Variants in DHX16 observed in about 807,000 individuals in gnomAD.
The protein encoded by DHX16 is DEAH-box helicase 16.
Under a neutral mutation model 131.2 loss-of-function variants are expected in DHX16, and 81 were observed. That is an observed-to-expected ratio of 0.62 (90% confidence interval 0.52 to 0.74). The LOEUF is 0.74. DHX16 is among the 30% of genes least tolerant of loss of function. DHX16 has a pLI of 0.00. For missense variants in DHX16, 980 were observed against 1,363.1 expected, an observed-to-expected ratio of 0.72 and a Z score of 4.43; for synonymous variants, 440 against 520.2, an observed-to-expected ratio of 0.85 and a Z score of 2.10.
chr6:30,654,535 G>GT (rs1400490291), intron 19 of DHX16, among the ~76,000 whole-genome samples, 171 bp downstream of exon 19: 7 of 152,094 alleles, frequency 4.6e-5, no homozygotes, highest in Non-Finnish European at 1.0e-4. Context: ...GGACAACAGA[G>GT]TGAGACTCCG....
chr6:30,653,433 ATT>A, intron 19 of DHX16, 63 bp from the exon 20 acceptor site: 1 of 1,506,834 alleles, frequency 6.6e-7, no homozygotes, highest in African/African-American at 1.4e-5. Flanking sequence ...TGTTGTTGTT[ATT>A]TTTTTTTCTT....
rs1242226640 is a variant in DHX16, at chr6:30,655,583, T to C, written c.2513A>G (p.Glu838Gly). The change falls in exon 17 of 20, where the codon GAG (glutamate) becomes GGG (glycine). Residue 838 changes from glutamate to glycine, a missense_variant. Physicochemically the swap from Glu to Gly is moderately conservative, Grantham distance 98 (BLOSUM62 -2). Around this residue, in one of 3 missense-constraint regions of DHX16, gnomAD observed 214 missense variants for 271.2 expected, o/e 0.79. Transcript: ENST00000376442. ...ILASEKYSCS[E>G]EILTVAAMLS... ...CATGGCAGCCACTGTCAGGATCTCC[T>C]CTGAACAGCTGTACCTGGGACAGGA... 6.2e-7 allele frequency: 1 copy of C among 1,613,102 alleles called. No homozygotes were observed. The highest frequency in any genetic ancestry group is 8.5e-7 in the Non-Finnish European group (1 of 1,180,046).
chr6:30,659,705 C>T (rs1457982412), intron 11 of DHX16, 31 bp downstream of exon 11: 1 of 1,612,406 alleles, frequency 6.2e-7, no homozygotes, highest in Non-Finnish European at 8.5e-7. Context: ...CCCTGGGATA[C>T]ATCATCCCCT....
rs1401661168 is a variant in DHX16, at chr6:30,654,876, T to C, written c.2827A>G (p.Ile943Val). Residue 943 changes from isoleucine to valine, a missense_variant, in exon 19 of 20, where the codon ATC becomes GTC. By Grantham distance (29) the Ile-to-Val change is conservative (BLOSUM62 3). Coordinates refer to ENST00000376442, the MANE Select transcript of DHX16 (RefSeq NM_003587.5). The stretch of plus-strand genomic sequence containing the variant: ...GTGTGGTAAAAGTAACCAGCAGTGA[T>C]GGCCTAAGGAGCGGGCAGGAAAGAA... ...QGDYIRVRKA[I>V]TAGYFYHTAR... 1 of 1,610,996 alleles carries C rather than the reference T, an allele frequency of 6.2e-7. No individual in the cohort carries two copies. The highest frequency in any genetic ancestry group is 8.5e-7 in the Non-Finnish European group (1 of 1,178,888).
intron 16 of DHX16, 96 bp from the exon 17 acceptor site, chr6:30,655,693 CAT>C (rs952062693): frequency 2.8e-6 from 4 of 1,417,900 alleles, no homozygotes; most frequent in African/African-American, 2.8e-5. Context: ...GATGTTTCCT[CAT>C]GTGGGGAAGG....
Position 30,656,128 on chromosome 6 carries a change from G to C in DHX16, c.2498+70C>G. The stretch of plus-strand genomic sequence containing the variant: ...TGATGAACAGAAAAAGACAGACAAA[G>C]GGGACCCTGGAGACAGAGGAGGCCT... On this transcript the variant is annotated intron_variant, in intron 16 of 19. Transcript: ENST00000376442. The surrounding 1 kb of genome is among the most constrained non-coding windows in gnomAD (Gnocchi z 5.1). 1 of 1,442,100 alleles carries C rather than the reference G, an allele frequency of 6.9e-7. No homozygotes were observed. The highest frequency in any genetic ancestry group is 9.7e-7 in the Non-Finnish European group (1 of 1,031,694). The allele number at this position is 1,442,100 out of a possible 1,614,324, so 89.3% of individuals were successfully genotyped here. A position where few individuals can be genotyped will look rare whatever the true frequency, so the allele number is the denominator to read the frequency against.
intron 18 of DHX16, 21 bp downstream of exon 18, chr6:30,655,154 G>A: frequency 6.2e-7 from 1 of 1,613,972 alleles, no homozygotes; most frequent in Non-Finnish European, 8.5e-7. Context: ...GTGGAAAGCA[G>A]GAGGCTGAAG....
Position 30,659,746 on chromosome 6 carries a change from AG to A in DHX16, c.1843del (p.Leu615Ter). 6.2e-7 allele frequency: 1 copy of A among 1,614,048 alleles called. No individual in the cohort carries two copies. The highest frequency in any genetic ancestry group is 8.5e-7 in the Non-Finnish European group (1 of 1,179,936). On this transcript the variant is annotated frameshift_variant, in exon 11 of 20. Coordinates refer to ENST00000376442, the MANE Select transcript of DHX16 (RefSeq NM_003587.5). LOFTEE classifies it high-confidence loss of function. ...TQPPGDILVF[L>X]TGQEEIEAAC... ...CACCATGTCAGGCACCTGTCCTGTC[AG>A]GAACACCAGGATATCCCCAGGGGGC...
chr6:30,668,352 C>T (rs1030000184), intron 4 of DHX16, among the ~76,000 whole-genome samples: 3 of 151,980 alleles, frequency 2.0e-5, no homozygotes, highest in Non-Finnish European at 2.9e-5. Context: ...TTTTTGTAAT[C>T]GAAAAAGAAA....
rs1359412406 is a variant in DHX16 at position 30,659,489 on chromosome 6, G to T, written c.1990C>A (p.Pro664Thr). Reference protein sequence around the residue: ...DMQARIFQPTPPGARKVVVAT... With the variant: ...DMQARIFQPTTPGARKVVVAT... ...CAACTGACCTTTCGTGCCCCAGGTG[G>T]TGTGGGCTGGAAGATACGGGCCTGC... is the stretch of plus-strand genomic sequence containing the variant. The change falls in exon 12 of 20, where the codon CCA becomes ACA. Residue 664 changes from proline (P) to threonine (T), a missense_variant. Coordinates refer to ENST00000376442, the MANE Select transcript of DHX16 (RefSeq NM_003587.5). 1.9e-6 allele frequency: 3 copies of T among 1,597,810 alleles called. No individual in the cohort carries two copies. Among genetic ancestry groups the T allele is most frequent in the Non-Finnish European group, 2.6e-6 (3 of 1,172,588 alleles).
In DHX16 at chr6:30,664,924, G is replaced by C. The variant is rs765737382; in HGVS notation, c.1194C>G (p.Ser398Arg). Residue 398 changes from serine (S) to arginine (R), a missense_variant, in exon 7 of 20, where the codon AGC becomes AGG. Transcript: ENST00000376442. ...QKESIQAVRR[S>R]LPVFPFREEL... ...CCTCTCGAAATGGGAACACCGGGAG[G>C]CTGCGGCGGACGGCCTGGATGGACT... The C allele has an allele frequency of 1.9e-6, 3 of 1,613,858 alleles. No homozygotes were observed. In the East Asian group the frequency reaches 6.7e-5, roughly 36 times the overall value.
At position 30,653,243 on chromosome 6, in the gene DHX16, T is replaced by TACC. The variant is rs761762573; in HGVS notation, c.3122_3124dup (p.Gly1041_Ter1042insTrp). ...TCAGGTTCTGTTTACGTCCTTCTCT[T>TACC]ACCCTAGCTCTTCTCGTGTTTTGCC... On this transcript the variant is annotated inframe_insertion, in exon 20 of 20. Coordinates refer to ENST00000376442, the MANE Select transcript of DHX16 (RefSeq NM_003587.5). 3.7e-6 allele frequency: 6 copies of TACC among 1,612,884 alleles called. No homozygotes were observed. The highest frequency in any genetic ancestry group is 5.1e-6 in the Non-Finnish European group (6 of 1,179,958).
Position 30,654,821 on chromosome 6 carries a change from G to A in DHX16, c.2882C>T (p.Thr961Ile). ...TARLTRSGYR[T>I]VKQQQTVFIH... Reference sequence around the variant, plus strand: ...GAAGACTGTCTGCTGCTGTTTCACTGTGCGGTAGCCACTCCGAGTCAACCG... The same window carrying A: ...GAAGACTGTCTGCTGCTGTTTCACTATGCGGTAGCCACTCCGAGTCAACCG... The change falls in exon 19 of 20, where the codon ACA becomes ATA. Residue 961 changes from threonine to isoleucine, a missense_variant. Thr to Ile is a moderately conservative substitution (Grantham distance 89, BLOSUM62 -1). Transcript: ENST00000376442. 6.2e-7 allele frequency: 1 copy of A among 1,612,942 alleles called. No individual in the cohort carries two copies. The highest frequency in any genetic ancestry group is 8.5e-7 in the Non-Finnish European group (1 of 1,180,002).
At chr6:30,655,361 G>A (rs1433250684) in intron 17 of DHX16, 25 bp from the exon 18 acceptor site, 2 of 1,613,810 alleles carry the variant, frequency 1.2e-6, no homozygotes, top group Non-Finnish European at 1.7e-6. Flanking sequence ...AAAAAGAAAG[G>A]AGAGATAATT....
rs761521013 is a variant in DHX16, at chr6:30,656,969, C to CA, written c.2130dup (p.Val711CysfsTer38). On this transcript the variant is annotated frameshift_variant, in exon 13 of 20. Coordinates refer to ENST00000376442, the MANE Select transcript of DHX16 (RefSeq NM_003587.5). LOFTEE classifies it high-confidence loss of function. The surrounding 1 kb of genome is among the most constrained non-coding windows in gnomAD (Gnocchi z 5.1). ...AGGCTGACCTTGCTGCAGGGTGTGA[C>CA]AGTGAGCGATTCCATGCCTGTGCGG... 8 of 1,612,704 alleles carry CA rather than the reference C, an allele frequency of 5.0e-6. No homozygotes were observed. The South Asian group carries it at 8.8e-5, about 18-fold the overall frequency.
chr6:30,653,433 A>AT (rs896641870), intron 19 of DHX16, 63 bp from the exon 20 acceptor site: 2,144 of 1,494,060 alleles, frequency 1.4e-3, no homozygotes, highest in South Asian at 2.1e-3. Context: ...TGTTGTTGTT[A>AT]TTTTTTTTTC....
At chr6:30,671,344 C>A in intron 1 of DHX16, 70 bp from the exon 2 acceptor site, 2 of 1,438,676 alleles carry the variant, frequency 1.4e-6, no homozygotes, top group Non-Finnish European at 1.9e-6. Context: ...TAGCTCTGTT[C>A]CTAATTTAAG....
In DHX16 at chr6:30,656,267, T is replaced by G. The variant is rs1299838529; in HGVS notation, c.2431-2A>C. On this transcript the variant is annotated splice_acceptor_variant, in intron 15 of 19. Transcript: ENST00000376442. LOFTEE classifies it high-confidence loss of function. This position sits in a 1 kb window ranked among gnomAD's most constrained non-coding sequence, Gnocchi z 5.1. ...CAGCTCTGCCATCTTTCGACCAGACTAAGGAGAAGAGAGAGAGAGTTGAGC... is the reference window on the plus strand; with the variant it reads ...CAGCTCTGCCATCTTTCGACCAGACGAAGGAGAAGAGAGAGAGAGTTGAGC... The G allele has an allele frequency of 5.0e-6, 8 of 1,613,704 alleles. No individual in the cohort carries two copies. The highest frequency in any genetic ancestry group is 6.8e-6 in the Non-Finnish European group (8 of 1,180,000).
At chr6:30,655,886 T>C (rs528169912) in intron 16 of DHX16, among the ~76,000 whole-genome samples, 30 of 152,218 alleles carry the variant, frequency 2.0e-4, no homozygotes, top group African/African-American at 7.0e-4. Flanking sequence ...ACTATGTGCA[T>C]TTGGAAAAGA....
Sources: allele counts gnomAD v4.1 joint callset (sites outside exome capture counted in the v4.1 genomes callset), GRCh38; gene constraint gnomAD v4.1.1; regional missense constraint gnomAD v4.1.1; non-coding constraint Gnocchi (gnomAD v3.1); transcripts MANE v1.5; gene names NCBI Gene and HGNC (gene_info 2026-07-23, HGNC 2026-07-21).